The following RAB28 variants were observed in gnomAD, a reference collection of about 807,000 sequenced individuals.
The protein encoded by RAB28 is RAB28, member RAS oncogene family.
Under a neutral mutation model 31.7 loss-of-function variants are expected in RAB28, and 24 were observed. That is an observed-to-expected ratio of 0.76 (90% CI 0.55 to 1.06). RAB28 has a LOEUF of 1.06. RAB28 is among the 50% of genes least tolerant of loss of function. RAB28 has a pLI of 0.00. For missense variants in RAB28, 254 were observed against 258.5 expected, an observed-to-expected ratio of 0.98 and a Z score of 0.12; for synonymous variants, 100 against 90.4, an observed-to-expected ratio of 1.11 and a Z score of -0.60.
intron 3 of RAB28, 48 bp downstream of exon 3, chr4:13,474,270 G>C (rs781221871): frequency 9.6e-6 from 12 of 1,252,678 alleles, no homozygotes; most frequent in African/African-American, 1.5e-5. Flanking sequence ...ATGTGTGCTT[G>C]TAAGTGGTAT....
chr4:13,374,853 T>C (rs1413354146), intron 6 of RAB28, among the ~76,000 whole-genome samples: 1 of 152,174 alleles, frequency 6.6e-6, no homozygotes, highest in East Asian at 1.9e-4. Flanking sequence ...TTTATTGCCC[T>C]ACCTCAAAAT....
At chr4:13,474,169 G>T in intron 3 of RAB28, 149 bp downstream of exon 3, 1 of 761,784 alleles carries the variant, frequency 1.3e-6, no homozygotes, top group Non-Finnish European at 2.4e-6. Flanking sequence ...TGAAACCAAA[G>T]AACTAGCACA....
intron 4 of RAB28, among the ~76,000 whole-genome samples, chr4:13,384,340 C>A (rs891579158): frequency 6.6e-6 from 1 of 152,306 alleles, no homozygotes; most frequent in Middle Eastern, 3.4e-3. Context: ...CCTGCTAGCA[C>A]CCTGCTGCAG....
At chr4:13,389,930 T>G (rs1014346864) in intron 4 of RAB28, among the ~76,000 whole-genome samples, 1 of 152,182 alleles carries the variant, frequency 6.6e-6, no homozygotes, top group African/African-American at 2.4e-5. Context: ...GAGCTATTTA[T>G]GACAAACCCA....
intron 4 of RAB28, among the ~76,000 whole-genome samples, chr4:13,391,936 A>G (rs1729652923): frequency 6.6e-6 from 1 of 152,094 alleles, no homozygotes; most frequent in South Asian, 2.1e-4. Context: ...GGATAGCATT[A>G]GGAGAAATTC....
intron 4 of RAB28, among the ~76,000 whole-genome samples, chr4:13,459,037 T>C (rs958646859): frequency 6.6e-6 from 1 of 152,222 alleles, no homozygotes; most frequent in African/African-American, 2.4e-5. Flanking sequence ...TCTAATCAAC[T>C]GCCAGTATGG....
rs570251763 is a variant in RAB28, at chr4:13,433,382, C to T, written c.391+27317G>A. Among the ~76,000 whole-genome samples, 70 of 151,722 alleles carry T rather than the reference C, an allele frequency of 4.6e-4. 1 individual carries two copies. Among genetic ancestry groups the T allele is most frequent in the Non-Finnish European group, 8.7e-4 (59 of 67,900 alleles). On this transcript the variant is annotated intron_variant, in intron 4 of 6. Coordinates refer to ENST00000330852, the MANE Select transcript of RAB28 (RefSeq NM_001017979.3). Reference sequence around the variant, plus strand: ...AGAAAGCAGACAATCTGCAAAATGGCAAAAAAAATTTTGCACACTATGTAT... The same window carrying T: ...AGAAAGCAGACAATCTGCAAAATGGTAAAAAAAATTTTGCACACTATGTAT...
In RAB28 at chr4:13,381,481, T is replaced by C. The variant is rs762469355; in HGVS notation, c.495+10A>G. 1 of 1,572,824 alleles carries C rather than the reference T, an allele frequency of 6.4e-7. No individual in the cohort carries two copies. The highest frequency in any genetic ancestry group is 1.7e-5 in the Admixed American group (1 of 59,416). ...AAAACATCACATACAGTATTCATTA[T>C]TTTACTTACAGAGTCTCCTGTCTTG... On this transcript the variant is annotated intron_variant, in intron 5 of 6. Transcript: ENST00000330852.
At chr4:13,437,671 G>C (rs1019275163) in intron 4 of RAB28, among the ~76,000 whole-genome samples, 3 of 152,056 alleles carry the variant, frequency 2.0e-5, no homozygotes, top group Non-Finnish European at 4.4e-5. Context: ...ACACCAATCA[G>C]AATGGCTATT....
At chr4:13,391,447 G>A (rs368315935) in intron 4 of RAB28, among the ~76,000 whole-genome samples, 15 of 152,138 alleles carry the variant, frequency 9.9e-5, no homozygotes, top group African/African-American at 3.4e-4. Context: ...ACGCTTTTAC[G>A]CTGTTGGTGG....
At chr4:13,468,746 C>A (rs1715984741) in intron 3 of RAB28, among the ~76,000 whole-genome samples, 1 of 144,090 alleles carries the variant, frequency 6.9e-6, no homozygotes, top group African/African-American at 2.6e-5. Flanking sequence ...AAGAAGAAAA[C>A]AACAGAGAAA....
At chr4:13,443,452 G>A (rs552544149) in intron 4 of RAB28, among the ~76,000 whole-genome samples, 2 of 152,300 alleles carry the variant, frequency 1.3e-5, no homozygotes, top group African/African-American at 2.4e-5. Context: ...GATTACAGGC[G>A]TGAGCCACCG....
chr4:13,461,542 T>C (rs1715592481), intron 3 of RAB28, among the ~76,000 whole-genome samples: 1 of 152,212 alleles, frequency 6.6e-6, no homozygotes, highest in Admixed American at 6.5e-5. Context: ...TATAGTTTTT[T>C]GACATCCTCT....
intron 5 of RAB28, among the ~76,000 whole-genome samples, chr4:13,380,966 A>T (rs1046890786): frequency 6.6e-6 from 1 of 151,940 alleles, no homozygotes; most frequent in Non-Finnish European, 1.5e-5. Flanking sequence ...TTATAATCTT[A>T]ATTTTTAAAA....
chr4:13,441,270 C>A (rs183657588), intron 4 of RAB28, among the ~76,000 whole-genome samples: 14 of 152,206 alleles, frequency 9.2e-5, no homozygotes, highest in Admixed American at 2.0e-4. Flanking sequence ...TGAAAACATG[C>A]CTTTAATACA....
At chr4:13,390,784 G>C (rs1729591704) in intron 4 of RAB28, among the ~76,000 whole-genome samples, 1 of 152,074 alleles carries the variant, frequency 6.6e-6, no homozygotes, top group African/African-American at 2.4e-5. Flanking sequence ...TGACAAACCT[G>C]ACAAAAACAA....
rs1205705709 is a variant in RAB28, at chr4:13,367,859, C to A, written c.*699G>T. ...AATTCCACGTGGAGCATCAGCTGAA[C>A]ATTTATCAGAATTCAGAAAGCCTTC... On this transcript the variant is annotated 3_prime_UTR_variant, in exon 7 of 7. Transcript: ENST00000330852. The A allele has an allele frequency of 1.0e-6, 1 of 984,842 alleles. No individual in the cohort carries two copies. The highest frequency in any genetic ancestry group is 1.2e-6 in the Non-Finnish European group (1 of 829,568). The allele number at this position is 984,842 out of a possible 1,614,324, so 61.0% of individuals were successfully genotyped here. A position where few individuals can be genotyped will look rare whatever the true frequency, so the allele number is the denominator to read the frequency against.
chr4:13,466,016 C>T (rs573077222), intron 3 of RAB28, among the ~76,000 whole-genome samples: 4 of 151,862 alleles, frequency 2.6e-5, no homozygotes, highest in African/African-American at 4.8e-5. Flanking sequence ...AACTAGATAT[C>T]CACATGCAGA....
At chr4:13,458,657 A>G (rs565973876) in intron 4 of RAB28, among the ~76,000 whole-genome samples, 2 of 152,178 alleles carry the variant, frequency 1.3e-5, no homozygotes, top group Non-Finnish European at 2.9e-5. Context: ...CGGGCTACAT[A>G]TATGATGGTG....
Sources: allele counts gnomAD v4.1 joint callset (sites outside exome capture counted in the v4.1 genomes callset), GRCh38; gene constraint gnomAD v4.1.1; transcripts MANE v1.5; gene names NCBI Gene and HGNC (gene_info 2026-07-23, HGNC 2026-07-21).